Variants in MTMR7 observed in about 807,000 individuals in gnomAD.
MTMR7 encodes the protein myotubularin related protein 7.
A neutral mutation model predicts 81.2 loss-of-function variants in MTMR7; 76 were observed. The ratio of observed to expected loss-of-function variants is 0.94; its 90% CI spans 0.78 to 1.13. The LOEUF is 1.13. Among genes scored for constraint, MTMR7 ranks in the 50% most tolerant of loss-of-function variants. The probability of loss-of-function intolerance (pLI) is 0.00; values close to 1 mark genes in which losing one functional copy is unlikely to be tolerated. For missense variants in MTMR7, 1,044 were observed against 820.0 expected (o/e 1.27, Z -3.34); for synonymous variants, 372 against 289.8 (o/e 1.28, Z -2.88).
intron 1 of MTMR7, among the ~76,000 whole-genome samples, chr8:17,401,112 G>A (rs1449941540): frequency 6.6e-6 from 1 of 152,178 alleles, no homozygotes; most frequent in Non-Finnish European, 1.5e-5. Flanking sequence ...TGTGTGGTAT[G>A]TGTATGTGTG....
At chr8:17,310,949 G>A (rs1015372072) in intron 9 of MTMR7, among the ~76,000 whole-genome samples, 3 of 152,112 alleles carry the variant, frequency 2.0e-5, no homozygotes, top group African/African-American at 7.2e-5. Context: ...CGTTACATTT[G>A]ATGCCCACCT....
chr8:17,317,551 GTTTCCAGAAAGGTTGAC>G (rs1343231868), intron 7 of MTMR7, among the ~76,000 whole-genome samples: 1 of 152,122 alleles, frequency 6.6e-6, no homozygotes. Flanking sequence ...TGCGGTCAAC[GTTTCCAGAAAGGTTGAC>G]TTTCCAGAAA....
intron 1 of MTMR7, among the ~76,000 whole-genome samples, chr8:17,378,970 C>T (rs1820677353): frequency 6.6e-6 from 1 of 152,082 alleles, no homozygotes; most frequent in South Asian, 2.1e-4. Flanking sequence ...GAGAAGAGAT[C>T]TGAGGAAAGC....
chr8:17,392,581 T>C (rs1821136055), intron 1 of MTMR7, among the ~76,000 whole-genome samples: 1 of 152,266 alleles, frequency 6.6e-6, no homozygotes, highest in Non-Finnish European at 1.5e-5. Flanking sequence ...GCGATGTCAC[T>C]GAGGCTTTGC....
At chr8:17,318,543 T>A (rs1818217655) in intron 7 of MTMR7, among the ~76,000 whole-genome samples, 1 of 152,040 alleles carries the variant, frequency 6.6e-6, no homozygotes, top group Non-Finnish European at 1.5e-5. Context: ...TCCCGATGGG[T>A]CTGGACTCGC....
chr8:17,331,065 A>C, intron 7 of MTMR7, 85 bp downstream of exon 7: 4 of 1,489,930 alleles, frequency 2.7e-6, no homozygotes, highest in Non-Finnish European at 1.8e-6. Context: ...ATGTAAAAAC[A>C]TTTTAAAATC....
intron 4 of MTMR7, among the ~76,000 whole-genome samples, chr8:17,351,720 G>C (rs1819734549): frequency 6.6e-6 from 1 of 152,194 alleles, no homozygotes; most frequent in Non-Finnish European, 1.5e-5. Flanking sequence ...ATGGGTCACA[G>C]CTTAAGTTAT....
rs546464695 is a variant in MTMR7, at chr8:17,304,005, C to A, written c.1493+374G>T. Reference sequence around the variant, plus strand: ...CCTTTTTGTTGTATAACGGCAAAAACCACAATTATTTTTGCTCCAACCTTA... The same window carrying A: ...CCTTTTTGTTGTATAACGGCAAAAAACACAATTATTTTTGCTCCAACCTTA... On this transcript the variant is annotated intron_variant, in intron 12 of 13. Coordinates refer to ENST00000180173, the MANE Select transcript of MTMR7 (RefSeq NM_004686.5). 8.7e-4 allele frequency among the ~76,000 whole-genome samples: 132 copies of A among 152,246 alleles called. 1 individual carries two copies. The highest frequency in any genetic ancestry group is 7.0e-3 in the South Asian group (34 of 4,828).
intron 1 of MTMR7, among the ~76,000 whole-genome samples, chr8:17,393,152 G>A (rs907976494): frequency 1.3e-5 from 2 of 152,056 alleles, no homozygotes; most frequent in South Asian, 4.1e-4. Flanking sequence ...TTTCAACAAG[G>A]GTATGAAGAC....
At chr8:17,384,992 T>C (rs1178045221) in intron 1 of MTMR7, among the ~76,000 whole-genome samples, 1 of 152,194 alleles carries the variant, frequency 6.6e-6, no homozygotes, top group African/African-American at 2.4e-5. Flanking sequence ...ATACCTCTGG[T>C]ATAATGAAGA....
At chr8:17,328,450 G>C (rs1414369647) in intron 7 of MTMR7, among the ~76,000 whole-genome samples, 1 of 151,960 alleles carries the variant, frequency 6.6e-6, no homozygotes, top group Non-Finnish European at 1.5e-5. Context: ...ATTATCCTCA[G>C]TAAACTAACT....
chr8:17,339,292 T>C (rs1052490071), intron 6 of MTMR7, among the ~76,000 whole-genome samples: 2 of 152,168 alleles, frequency 1.3e-5, no homozygotes, highest in African/African-American at 2.4e-5. Flanking sequence ...TGTCATACTA[T>C]TCACCCATTT....
chr8:17,399,307 C>A (rs1050114397), intron 1 of MTMR7, among the ~76,000 whole-genome samples: 1 of 152,006 alleles, frequency 6.6e-6, no homozygotes, highest in Non-Finnish European at 1.5e-5. Flanking sequence ...AATCAAAATA[C>A]GAAAAACAGT....
intron 8 of MTMR7, 152 bp from the exon 9 acceptor site, chr8:17,311,788 G>C: frequency 8.1e-7 from 1 of 1,241,950 alleles, no homozygotes; most frequent in Non-Finnish European, 1.1e-6. Flanking sequence ...CCCCTAATTA[G>C]GGCAGAGCCA....
intron 1 of MTMR7, among the ~76,000 whole-genome samples, chr8:17,400,811 G>C (rs2150583512): frequency 1.3e-5 from 2 of 151,486 alleles, no homozygotes; most frequent in Admixed American, 1.3e-4. Flanking sequence ...GTGTAGATGT[G>C]GCAGTATTTC....
At chr8:17,305,171 A>G (rs561984665) in intron 11 of MTMR7, among the ~76,000 whole-genome samples, 1 of 152,336 alleles carries the variant, frequency 6.6e-6, no homozygotes, top group African/African-American at 2.4e-5. Context: ...ATTTGAACTG[A>G]TCATTCCCCA....
intron 3 of MTMR7, among the ~76,000 whole-genome samples, chr8:17,364,881 G>A (rs951342198): frequency 6.6e-6 from 1 of 152,222 alleles, no homozygotes; most frequent in African/African-American, 2.4e-5. Flanking sequence ...GAAAATGTGA[G>A]AGCAGACGTT....
chr8:17,385,153 T>A (rs759118078), intron 1 of MTMR7, among the ~76,000 whole-genome samples: 33 of 152,124 alleles, frequency 2.2e-4, no homozygotes, highest in Non-Finnish European at 3.5e-4. Flanking sequence ...ATAGTTGATA[T>A]CGTTTGGATC....
intron 1 of MTMR7, among the ~76,000 whole-genome samples, chr8:17,374,302 G>C (rs1234666204): frequency 6.6e-6 from 1 of 152,016 alleles, no homozygotes; most frequent in African/African-American, 2.4e-5. Flanking sequence ...CCTGGCCAAC[G>C]TGGTGAAATC....
Sources: gnomAD v4.1 joint callset for allele counts (sites outside exome capture counted in the v4.1 genomes callset) on GRCh38, gnomAD v4.1.1 for gene constraint, MANE v1.5 for transcripts, NCBI Gene and HGNC (gene_info 2026-07-23, HGNC 2026-07-21) for gene names.